The following GYG2 variants were observed in gnomAD, a reference collection of about 807,000 sequenced individuals.
The protein encoded by GYG2 is glycogenin 2.
GYG2 carries 29 observed loss-of-function variants against 29.4 expected under a neutral mutation model. The observed-to-expected ratio is 0.99, with a 90% confidence interval of 0.74 to 1.35. GYG2 has a LOEUF of 1.35. Among genes scored for constraint, GYG2 ranks in the 40% most tolerant of loss-of-function variants. The pLI is 0.00. For synonymous variants in GYG2, 167 were observed against 172.3 expected (o/e 0.97, Z 0.24); for missense variants, 370 against 385.7 (o/e 0.96, Z 0.34).
chrX:2,874,663 C>T (rs73435436), intron 8 of GYG2, among the ~76,000 whole-genome samples: 1,929 of 111,957 alleles, frequency 0.017, 46 homozygotes, highest in African/African-American at 0.06. Context: ...ACCTACCTCT[C>T]CATAAACACC....
At position 2,860,005 on chromosome X, in the gene GYG2, C is replaced by T. The variant is rs190852517; in HGVS notation, c.777C>T (p.Asn259=). Residue 259 remains asparagine (N), a synonymous_variant, in exon 7 of 11, where the codon AAC becomes AAT. Coordinates refer to ENST00000398806, the MANE Select transcript of GYG2 (RefSeq NM_001079855.2). ...TCTGGTGGACGGTCTACCAGAACAA[C>T]GTGCTGCCCCTTTATAAAAGCGTCC... ...LHLWWTVYQN[N]VLPLYKSVQA... 11 of 1,202,271 alleles carry T rather than the reference C, an allele frequency of 9.1e-6. No individual in the cohort carries two copies. The highest frequency in any genetic ancestry group is 2.3e-4 in the Middle Eastern group (1 of 4,341).
intron 10 of GYG2, 123 bp from the exon 11 acceptor site, chrX:2,880,929 C>T (rs1474048246): frequency 1.7e-6 from 1 of 582,741 alleles, no homozygotes; most frequent in Non-Finnish European, 2.7e-6. Flanking sequence ...TAGTGATTCG[C>T]AATCTCTTTT....
rs1555898881 is a variant in GYG2 at position 2,856,799 on chromosome X, C to CATCTATCATCT, written c.614+182_614+183insATCTATCTATC. Among the ~76,000 whole-genome samples the CATCTATCATCT allele has an allele frequency of 0.23, 21,243 of 90,996 alleles. 2,366 individuals carry two copies. Among genetic ancestry groups the CATCTATCATCT allele is most frequent in the Admixed American group, 0.28 (2,175 of 7,898 alleles). The allele number at this position is 90,996 out of a possible 115,157, so 79.0% of individuals were successfully genotyped here. On this transcript the variant is annotated intron_variant, in intron 6 of 10. Transcript: ENST00000398806. ...ATCTATCTATCTATCATCTATCTAT[C>CATCTATCATCT]ATCTATCTATCTATCACCTCTATCT... is the stretch of plus-strand genomic sequence containing the variant.
chrX:2,844,786 A>C (rs62582304), intron 3 of GYG2, among the ~76,000 whole-genome samples: 111 of 1,298 alleles, frequency 0.086, 39 homozygotes, highest in African/African-American at 0.097. Flanking sequence ...ACGTATGCAT[A>C]TATATATACA....
chrX:2,862,984 T>C (rs1188515740), intron 8 of GYG2, among the ~76,000 whole-genome samples: 1 of 109,908 alleles, frequency 9.1e-6, no homozygotes, highest in Non-Finnish European at 1.9e-5. Context: ...TGCTTGAGCC[T>C]TGGAGGTCAA....
At chrX:2,840,576 A>G (rs1039654637) in intron 2 of GYG2, among the ~76,000 whole-genome samples, 1 of 112,144 alleles carries the variant, frequency 8.9e-6, no homozygotes, top group Admixed American at 9.6e-5. Flanking sequence ...AGATAATGGT[A>G]GAGATAATTT....
chrX:2,860,092 G>A lies in GYG2; in HGVS notation c.837+27G>A, dbSNP rs746663164. On this transcript the variant is annotated intron_variant, in intron 7 of 10. Coordinates refer to ENST00000398806, the MANE Select transcript of GYG2 (RefSeq NM_001079855.2). Reference sequence around the variant, plus strand: ...TAAGTGGGGGATTCCCTTAAAACCCGTAGCTGAGGACGAGGAGAACATCCT... The same window carrying A: ...TAAGTGGGGGATTCCCTTAAAACCCATAGCTGAGGACGAGGAGAACATCCT... The A allele has an allele frequency of 1.5e-5, 15 of 985,735 alleles. No homozygotes were observed. In the African/African-American group the frequency reaches 1.9e-4, roughly 13 times the overall value. The allele number at this position is 985,735 out of a possible 1,213,427, so 81.2% of individuals were successfully genotyped here. A position where few individuals can be genotyped will look rare whatever the true frequency, so the allele number is the denominator to read the frequency against.
intron 3 of GYG2, among the ~76,000 whole-genome samples, chrX:2,845,769 G>GCATGTGTATGTATATATATA (rs2087702383): frequency 9.7e-6 from 1 of 102,964 alleles, no homozygotes; most frequent in Non-Finnish European, 2.0e-5. Context: ...GTATATATAT[G>GCATGTGTATGTATATATATA]CATGTGTATG....
intron 5 of GYG2, among the ~76,000 whole-genome samples, chrX:2,855,676 C>T (rs912036356): frequency 3.6e-5 from 4 of 111,821 alleles, no homozygotes; most frequent in African/African-American, 9.7e-5. Context: ...TTGCTTGAGG[C>T]GAGGAGTTCA....
intron 8 of GYG2, among the ~76,000 whole-genome samples, chrX:2,864,797 T>C (rs1336873016): frequency 1.9e-5 from 2 of 108,083 alleles, no homozygotes; most frequent in Admixed American, 2.0e-4. Flanking sequence ...TCTCACTCGA[T>C]CGCCCAGGCT....
intron 3 of GYG2, among the ~76,000 whole-genome samples, chrX:2,845,886 T>C (rs1207644973): frequency 1.0e-5 from 1 of 98,878 alleles, no homozygotes; most frequent in African/African-American, 3.6e-5. Context: ...TTAAAATATA[T>C]ATACACACAT....
At chrX:2,843,139 GGA>G (rs1181640828) in intron 2 of GYG2, 72 bp from the exon 3 acceptor site, 1 of 845,384 alleles carries the variant, frequency 1.2e-6, no homozygotes, top group African/African-American at 2.0e-5. Flanking sequence ...GGAGAGGAGA[GGA>G]GGTGACTATG....
intron 3 of GYG2, among the ~76,000 whole-genome samples, chrX:2,849,958 ATT>A (rs2087831698): frequency 9.1e-6 from 1 of 110,462 alleles, no homozygotes; most frequent in South Asian, 3.9e-4. Flanking sequence ...CTACTAAAAA[ATT>A]TTTAAAAATT....
At chrX:2,847,514 C>G (rs938445795) in intron 3 of GYG2, among the ~76,000 whole-genome samples, 1 of 91,976 alleles carries the variant, frequency 1.1e-5, no homozygotes, top group Non-Finnish European at 2.1e-5. Flanking sequence ...CATGGTGAAC[C>G]CTGTCTCTAC....
intron 10 of GYG2, among the ~76,000 whole-genome samples, chrX:2,879,766 CGGAT>C (rs932737557): frequency 7.2e-5 from 8 of 110,809 alleles, no homozygotes; most frequent in South Asian, 3.8e-4. Context: ...GAGTATAGAA[CGGAT>C]GGATGGATGG....
intron 8 of GYG2, among the ~76,000 whole-genome samples, chrX:2,871,767 T>A: frequency 1.8e-5 from 2 of 111,592 alleles, no homozygotes; most frequent in Admixed American, 1.9e-4. Flanking sequence ...GCAGCCTTTT[T>A]AGGTATTTTT....
intron 8 of GYG2, among the ~76,000 whole-genome samples, chrX:2,874,397 GC>G (rs2088547259): frequency 8.9e-6 from 1 of 112,390 alleles, no homozygotes; most frequent in African/African-American, 3.2e-5. Flanking sequence ...CTTCTACTCA[GC>G]CTTCAGGCTT....
intron 3 of GYG2, chrX:2,853,769 G>A: frequency 2.6e-6 from 1 of 380,936 alleles, no homozygotes; most frequent in Non-Finnish European, 4.5e-6. Context: ...ATTCAAGCAT[G>A]CAGAGGCTTT....
chrX:2,834,971 A>G (rs141780836), intron 2 of GYG2, among the ~76,000 whole-genome samples: 1,587 of 111,532 alleles, frequency 0.014, 32 homozygotes, highest in African/African-American at 0.049. Flanking sequence ...TCCCGACAAC[A>G]TGGGCCAAAG....
Sources: gnomAD v4.1 joint callset for allele counts (sites outside exome capture counted in the v4.1 genomes callset) on GRCh38, gnomAD v4.1.1 for gene constraint, MANE v1.5 for transcripts, NCBI Gene and HGNC (gene_info 2026-07-23, HGNC 2026-07-21) for gene names.